PPP3CC: variants seen among roughly 807,000 people sequenced by gnomAD.
PPP3CC encodes the protein protein phosphatase 3 catalytic subunit gamma, also known as serine/threonine-protein phosphatase 2B catalytic subunit gamma isoform.
A neutral mutation model predicts 60.3 loss-of-function variants in PPP3CC; 35 were observed. That is an observed-to-expected ratio of 0.58 (90% CI 0.44 to 0.77). The LOEUF (loss-of-function observed/expected upper bound fraction) is 0.77. PPP3CC is among the 30% of genes least tolerant of loss of function. The probability of loss-of-function intolerance (pLI) is 0.00; values close to 1 mark genes in which losing one functional copy is unlikely to be tolerated. For missense variants in PPP3CC, 570 were observed against 628.9 expected (o/e 0.91, Z 1.00); for synonymous variants, 206 against 224.3 (o/e 0.92, Z 0.73).
intron 10 of PPP3CC, among the ~76,000 whole-genome samples, chr8:22,530,627 T>G (rs1265088805): frequency 6.7e-6 from 1 of 149,438 alleles, no homozygotes; most frequent in Non-Finnish European, 1.5e-5. Context: ...GGTCAGGAGA[T>G]CGACACCATG....
At position 22,533,038 on chromosome 8, in the gene PPP3CC, T is replaced by A; in HGVS notation, c.1321+20T>A. 6.6e-7 allele frequency: 1 copy of A among 1,523,534 alleles called. No homozygotes were observed. The highest frequency in any genetic ancestry group is 1.2e-5 in the South Asian group (1 of 82,898). 94.4% of individuals were successfully genotyped at this position (1,523,534 alleles called of 1,614,324 possible). A position where few individuals can be genotyped will look rare whatever the true frequency, so the allele number is the denominator to read the frequency against. On this transcript the variant is annotated intron_variant, in intron 12 of 13. Transcript: ENST00000240139. ...AGACAGGTGAGTATGAGAGTGCTCC[T>A]CCATGGAAGGTGTGCTCCCGTTACC...
intron 1 of PPP3CC, among the ~76,000 whole-genome samples, chr8:22,460,273 C>T (rs1277598375): frequency 2.0e-5 from 3 of 152,092 alleles, no homozygotes; most frequent in East Asian, 1.9e-4. Context: ...AGAATGTTTA[C>T]AATCAATACT....
chr8:22,517,612 A>G (rs1839287971), intron 6 of PPP3CC, among the ~76,000 whole-genome samples: 2 of 152,038 alleles, frequency 1.3e-5, no homozygotes, highest in African/African-American at 4.8e-5. Context: ...TCCAGACTCT[A>G]TCCATTTCTT....
At chr8:22,496,474 A>G (rs1254979476) in intron 3 of PPP3CC, among the ~76,000 whole-genome samples, 5 of 106,946 alleles carry the variant, frequency 4.7e-5, no homozygotes, top group Non-Finnish European at 8.0e-5. Flanking sequence ...TAAATTAGGG[A>G]GAACTGTAAT....
intron 1 of PPP3CC, among the ~76,000 whole-genome samples, chr8:22,458,438 G>A: frequency 6.6e-6 from 1 of 151,398 alleles, no homozygotes; most frequent in Non-Finnish European, 1.5e-5. Context: ...TCTCTACTAA[G>A]AATACAAAAA....
At chr8:22,539,544 C>A in intron 13 of PPP3CC, 46 bp downstream of exon 13, 1 of 1,579,226 alleles carries the variant, frequency 6.3e-7, no homozygotes, top group Non-Finnish European at 8.6e-7. Context: ...TGTCTGTGTA[C>A]TGGTTTTTCG....
intron 8 of PPP3CC, among the ~76,000 whole-genome samples, chr8:22,524,011 A>G (rs1329344811): frequency 6.6e-6 from 1 of 152,244 alleles, no homozygotes; most frequent in Non-Finnish European, 1.5e-5. Flanking sequence ...CACATTTAAC[A>G]AGATACTTCT....
At chr8:22,475,461 G>C in intron 2 of PPP3CC, 39 bp from the exon 3 acceptor site, 1 of 1,581,092 alleles carries the variant, frequency 6.3e-7, no homozygotes, top group Non-Finnish European at 8.6e-7. Flanking sequence ...CGTCTTCTAA[G>C]GTATAATTTC....
Position 22,525,536 on chromosome 8 carries a change from TTCTCTCCCTC to T in PPP3CC, c.944-1849_944-1840del, listed in dbSNP as rs1211055433. ...TTTCTTTCTTTCTTTCTTTCTTTCT[TTCTCTCCCTC>T]TCTCTCTCTCTCTTTCTTTCTCTCT... On this transcript the variant is annotated intron_variant, in intron 8 of 13. Coordinates refer to ENST00000240139, the MANE Select transcript of PPP3CC (RefSeq NM_005605.5). Among the ~76,000 whole-genome samples the T allele has an allele frequency of 1.8e-4, 13 of 73,760 alleles. No homozygotes were observed. The South Asian group carries it at 2.7e-3, about 15-fold the overall frequency. 48.4% of individuals were successfully genotyped at this position (73,760 alleles called of 152,430 possible).
At chr8:22,466,908 A>G (rs1837538700) in intron 1 of PPP3CC, among the ~76,000 whole-genome samples, 1 of 150,186 alleles carries the variant, frequency 6.7e-6, no homozygotes, top group African/African-American at 2.5e-5. Flanking sequence ...CACCTGGATA[A>G]TTTAAAAAAA....
In PPP3CC at chr8:22,511,103, GAACA is replaced by G; in HGVS notation, c.503_506del (p.Glu168GlyfsTer19). 1.2e-6 allele frequency: 2 copies of G among 1,613,854 alleles called. No individual in the cohort carries two copies. The highest frequency in any genetic ancestry group is 1.7e-6 in the Non-Finnish European group (2 of 1,179,948). On this transcript the variant is annotated frameshift_variant, in exon 5 of 14. Coordinates refer to ENST00000240139, the MANE Select transcript of PPP3CC (RefSeq NM_005605.5). LOFTEE classifies it high-confidence loss of function. ...TTTGTTAGGTCGAATCAAATATTCG[GAACA>G]GGTGTATGATGCCTGTATGGAGACA...
At chr8:22,482,709 T>C (rs1196339520) in intron 3 of PPP3CC, among the ~76,000 whole-genome samples, 1 of 152,236 alleles carries the variant, frequency 6.6e-6, no homozygotes, top group East Asian at 1.9e-4. Context: ...TTTCTTCTTA[T>C]GTGATGTTCA....
intron 4 of PPP3CC, among the ~76,000 whole-genome samples, chr8:22,508,475 A>G (rs890409840): frequency 3.9e-5 from 6 of 152,192 alleles, no homozygotes; most frequent in Non-Finnish European, 7.3e-5. Context: ...ACATATTAAT[A>G]TAACATGAAC....
chr8:22,444,690 T>C (rs1836771731), intron 1 of PPP3CC, among the ~76,000 whole-genome samples: 1 of 152,248 alleles, frequency 6.6e-6, no homozygotes, highest in African/African-American at 2.4e-5. Context: ...GAGTGCCATC[T>C]GCAATGTACC....
chr8:22,476,718 G>A (rs1312408667), intron 3 of PPP3CC, among the ~76,000 whole-genome samples: 1 of 151,802 alleles, frequency 6.6e-6, no homozygotes, highest in South Asian at 2.1e-4. Flanking sequence ...AGATTACGAA[G>A]TCAGGAGATC....
intron 4 of PPP3CC, among the ~76,000 whole-genome samples, chr8:22,499,189 C>T (rs978265428): frequency 2.6e-5 from 4 of 151,364 alleles, no homozygotes; most frequent in African/African-American, 9.7e-5. Flanking sequence ...CCTGTAATCC[C>T]AGCACTTTGG....
chr8:22,479,339 CT>C lies in PPP3CC; in HGVS notation c.372+3721del, dbSNP rs59046210. Among the ~76,000 whole-genome samples the C allele has an allele frequency of 7.1e-3, 1,079 of 152,100 alleles. 8 individuals are homozygous for C. The highest frequency in any genetic ancestry group is 0.025 in the African/African-American group (1,024 of 41,534). ...ATGTTTTATTATACTTTCTTGCAGC[CT>C]TTTTTCTTCTTTTACATTTGTATAT... is the stretch of plus-strand genomic sequence containing the variant. On this transcript the variant is annotated intron_variant, in intron 3 of 13. Transcript: ENST00000240139.
chr8:22,441,883 G>A (rs1836684762), intron 1 of PPP3CC, among the ~76,000 whole-genome samples: 1 of 152,132 alleles, frequency 6.6e-6, no homozygotes, highest in Admixed American at 6.5e-5. Flanking sequence ...CGTATACCAT[G>A]TGCCTTTTGA....
chr8:22,447,838 T>G (rs1386873765), intron 1 of PPP3CC, among the ~76,000 whole-genome samples: 1 of 152,194 alleles, frequency 6.6e-6, no homozygotes. Context: ...CTTCGTTTGT[T>G]GTTTGAAGAG....
Sources: allele counts gnomAD v4.1 joint callset (sites outside exome capture counted in the v4.1 genomes callset), GRCh38; gene constraint gnomAD v4.1.1; transcripts MANE v1.5; gene names NCBI Gene and HGNC (gene_info 2026-07-23, HGNC 2026-07-21).